DPY19L3: variants seen among roughly 807,000 people sequenced by gnomAD.
DPY19L3 encodes dpy-19 like C-mannosyltransferase 3, also known as protein C-mannosyl-transferase DPY19L3.
In DPY19L3, 51 loss-of-function variants were observed where a neutral mutation model predicts 92.3. That is an observed-to-expected ratio of 0.55 (90% CI 0.44 to 0.70). The LOEUF is 0.70. DPY19L3 is among the 30% of genes least tolerant of loss of function. The pLI, the probability that DPY19L3 is intolerant of heterozygous loss-of-function variation, is 0.00. For missense variants in DPY19L3, 706 were observed against 855.9 expected (o/e 0.82, Z 2.18); for synonymous variants, 309 against 315.2 (o/e 0.98, Z 0.21).
At chr19:32,443,453 A>C (rs1398326632) in intron 8 of DPY19L3, among the ~76,000 whole-genome samples, 2 of 152,204 alleles carry the variant, frequency 1.3e-5, no homozygotes, top group Non-Finnish European at 2.9e-5. Flanking sequence ...GATTAGTGCC[A>C]TTATAAAACA....
intron 3 of DPY19L3, among the ~76,000 whole-genome samples, chr19:32,423,681 TAACACAA>T (rs1315652801): frequency 3.3e-5 from 5 of 152,006 alleles, no homozygotes; most frequent in Non-Finnish European, 7.4e-5. Context: ...GTAATACGTA[TAACACAA>T]GATAAAAGAA....
intron 15 of DPY19L3, among the ~76,000 whole-genome samples, chr19:32,466,510 C>G (rs150166680): frequency 2.7e-3 from 407 of 152,356 alleles, no homozygotes; most frequent in African/African-American, 9.5e-3. Context: ...GCTTCAGCCT[C>G]TGCCCGCTCA....
chr19:32,438,162 CTAT>C (rs1439785277), intron 6 of DPY19L3, among the ~76,000 whole-genome samples: 1 of 152,062 alleles, frequency 6.6e-6, no homozygotes, highest in Non-Finnish European at 1.5e-5. Flanking sequence ...ATTGCCTGTC[CTAT>C]AATGGCAATA....
chr19:32,463,838 T>A (rs1279946364), intron 13 of DPY19L3, 31 bp from the exon 14 acceptor site: 1 of 1,576,110 alleles, frequency 6.3e-7, no homozygotes, highest in South Asian at 1.1e-5. Context: ...CAACTAGTAC[T>A]TCTGACTTGC....
chr19:32,454,909 G>A (rs767636068), intron 9 of DPY19L3, 30 bp from the exon 10 acceptor site: 10 of 1,376,714 alleles, frequency 7.3e-6, no homozygotes, highest in East Asian at 2.4e-5. Context: ...TAAAACTTAA[G>A]AATTAAAACA....
intron 3 of DPY19L3, among the ~76,000 whole-genome samples, chr19:32,431,874 A>G (rs62104856): frequency 0.076 from 11,631 of 152,256 alleles, 676 homozygotes; most frequent in Non-Finnish European, 0.11. Context: ...ATTCGTACAT[A>G]AGTACTTAAC....
Position 32,485,112 on chromosome 19 carries a change from A to G in DPY19L3, c.*2872A>G, listed in dbSNP as rs1970764837. 6.6e-6 allele frequency: 1 copy of G among 152,236 alleles called. No individual in the cohort carries two copies. Among genetic ancestry groups the G allele is most frequent in the South Asian group, 2.1e-4 (1 of 4,838 alleles). The allele number at this position is 152,236 out of a possible 1,614,324, so 9.4% of individuals were successfully genotyped here. A position where few individuals can be genotyped will look rare whatever the true frequency, so the allele number is the denominator to read the frequency against. Reference sequence around the variant, plus strand: ...GGCAAAGGAAAATCCGTGTCTTTATATCAGAAGATCGGCAAACGAATGTAT... The same window carrying G: ...GGCAAAGGAAAATCCGTGTCTTTATGTCAGAAGATCGGCAAACGAATGTAT... On this transcript the variant is annotated 3_prime_UTR_variant, in exon 19 of 19. Coordinates refer to ENST00000392250, the MANE Select transcript of DPY19L3 (RefSeq NM_001172774.2).
chr19:32,482,502 G>A lies in DPY19L3; in HGVS notation c.*262G>A, dbSNP rs780450335. The A allele has an allele frequency of 3.9e-5, 14 of 358,778 alleles. No individual in the cohort carries two copies. The highest frequency in any genetic ancestry group is 6.6e-5 in the Non-Finnish European group (13 of 198,112). 22.2% of individuals were successfully genotyped at this position (358,778 alleles called of 1,614,324 possible). A position where few individuals can be genotyped will look rare whatever the true frequency, so the allele number is the denominator to read the frequency against. On this transcript the variant is annotated 3_prime_UTR_variant, in exon 19 of 19. Coordinates refer to ENST00000392250, the MANE Select transcript of DPY19L3 (RefSeq NM_001172774.2). The stretch of plus-strand genomic sequence containing the variant: ...CTTTCTAAGAGTGACCTAGAATTAT[G>A]TTGTTGGAGAGAATGATGTGTGTTC...
chr19:32,418,340 T>C (rs1380482028), intron 3 of DPY19L3, among the ~76,000 whole-genome samples: 9 of 152,210 alleles, frequency 5.9e-5, no homozygotes, highest in Admixed American at 2.0e-4. Context: ...GCCTAGGCAT[T>C]TGGTTTTGTG....
At chr19:32,446,842 A>G (rs889656196) in intron 8 of DPY19L3, among the ~76,000 whole-genome samples, 7 of 152,136 alleles carry the variant, frequency 4.6e-5, no homozygotes, top group Non-Finnish European at 1.0e-4. Context: ...ATAGAACCCA[A>G]CAACACCTTC....
intron 10 of DPY19L3, among the ~76,000 whole-genome samples, chr19:32,457,397 G>C (rs1373138755): frequency 6.6e-6 from 1 of 152,140 alleles, no homozygotes; most frequent in African/African-American, 2.4e-5. Context: ...TTTGCTGCTG[G>C]AATGCAAAAG....
At chr19:32,473,682 A>AC in intron 16 of DPY19L3, among the ~76,000 whole-genome samples, 1 of 152,362 alleles carries the variant, frequency 6.6e-6, no homozygotes, top group Middle Eastern at 3.4e-3. Flanking sequence ...TGGAAGTAGC[A>AC]GTGATATTTC....
At chr19:32,445,837 C>G (rs1327688984) in intron 8 of DPY19L3, among the ~76,000 whole-genome samples, 1 of 152,038 alleles carries the variant, frequency 6.6e-6, no homozygotes, top group African/African-American at 2.4e-5. Flanking sequence ...CCCATCTCTA[C>G]TACAAATACA....
In DPY19L3 at chr19:32,484,007, A is replaced by G. The variant is rs1057397; in HGVS notation, c.*1767A>G. The G allele has an allele frequency of 0.19, 29,161 of 152,452 alleles. 2,935 individuals carry two copies. The highest frequency in any genetic ancestry group is 0.25 in the African/African-American group (10,559 of 41,458). The allele number at this position is 152,452 out of a possible 1,614,324, so 9.4% of individuals were successfully genotyped here. A position where few individuals can be genotyped will look rare whatever the true frequency, so the allele number is the denominator to read the frequency against. ...CTCTGTTATGGCTATATTTAAATTT[A>G]TTTTAAATATTCCTGTATGTATTCA... On this transcript the variant is annotated 3_prime_UTR_variant, in exon 19 of 19. Transcript: ENST00000392250.
chr19:32,454,929 T>C lies in DPY19L3; in HGVS notation c.988-10T>C, dbSNP rs1969820070. 1 of 1,500,236 alleles carries C rather than the reference T, an allele frequency of 6.7e-7. No individual in the cohort carries two copies. The highest frequency in any genetic ancestry group is 1.7e-4 in the Middle Eastern group (1 of 5,732). The allele number at this position is 1,500,236 out of a possible 1,614,324, so 92.9% of individuals were successfully genotyped here. A position where few individuals can be genotyped will look rare whatever the true frequency, so the allele number is the denominator to read the frequency against. ...CTTAAGAATTAAAACATAACTCTTT[T>C]AATTTCTAGAAAAATCTGAAAACTG... On this transcript the variant is annotated splice_polypyrimidine_tract_variant and intron_variant, in intron 9 of 18. Transcript: ENST00000392250.
chr19:32,419,247 A>G (rs1421767239), intron 3 of DPY19L3, among the ~76,000 whole-genome samples: 3 of 140,450 alleles, frequency 2.1e-5, no homozygotes, highest in Non-Finnish European at 4.6e-5. Flanking sequence ...TGCAAGCTCC[A>G]CCTCCCGGGT....
Position 32,463,415 on chromosome 19 carries a change from G to T in DPY19L3, c.1372G>T (p.Asp458Tyr). ...GGGTAAAATGGAAAAAGGCACAGTT[G>T]ACCTGAAACCAGAAACTGCCTACAA... ...SVGKMEKGTV[D>Y]LKPETAYNLI... The change falls in exon 13 of 19, where the codon GAC (aspartate) becomes TAC (tyrosine). Residue 458 changes from aspartate to tyrosine, a missense_variant. By Grantham distance (160) the Asp-to-Tyr change is radical (BLOSUM62 -3). Transcript: ENST00000392250. 6.2e-7 allele frequency: 1 copy of T among 1,613,798 alleles called. No homozygotes were observed. The highest frequency in any genetic ancestry group is 1.1e-5 in the South Asian group (1 of 91,048).
chr19:32,475,663 G>A (rs1446947373), intron 16 of DPY19L3, among the ~76,000 whole-genome samples: 7 of 152,244 alleles, frequency 4.6e-5, no homozygotes, highest in Admixed American at 1.3e-4. Context: ...GTAAGTGTCA[G>A]TTGAATTAAA....
intron 8 of DPY19L3, among the ~76,000 whole-genome samples, chr19:32,450,593 C>T (rs1010613314): frequency 1.1e-4 from 17 of 152,066 alleles, no homozygotes; most frequent in African/African-American, 4.1e-4. Context: ...TTGAGAACAC[C>T]ATGCTAAGTA....
Sources: allele counts gnomAD v4.1 joint callset (sites outside exome capture counted in the v4.1 genomes callset), GRCh38; gene constraint gnomAD v4.1.1; transcripts MANE v1.5; gene names NCBI Gene and HGNC (gene_info 2026-07-23, HGNC 2026-07-21).